Variants in LMO3 observed in about 807,000 individuals in gnomAD.
LMO3 encodes the protein LIM domain only protein 3.
A neutral mutation model predicts 15.8 loss-of-function variants in LMO3; 2 were observed. The observed-to-expected ratio is 0.13, with a 90% CI of 0.05 to 0.40. The LOEUF (loss-of-function observed/expected upper bound fraction) is 0.40. Among genes scored for constraint, LMO3 ranks in the 10% least tolerant of loss-of-function variants. The pLI is 0.99. For synonymous variants in LMO3, 62 were observed against 63.8 expected, an observed-to-expected ratio of 0.97 and a Z score of 0.13; for missense variants, 86 against 182.2, an observed-to-expected ratio of 0.47 and a Z score of 3.04.
rs757297928 is a variant in LMO3, at chr12:16,560,368, A to G, written c.332+45T>C. On this transcript the variant is annotated intron_variant, in intron 3 of 3. Coordinates refer to ENST00000537304, the MANE Select transcript of LMO3 (RefSeq NM_018640.5). This position sits in a 1 kb window ranked among gnomAD's most constrained non-coding sequence, Gnocchi z 5.0. ...CACCTATTAAATAAATAGCCAGCAC[A>G]GAGAGGTTAACCATTTCTTAGAGAC... The G allele has an allele frequency of 6.3e-7, 1 of 1,590,008 alleles. No homozygotes were observed. The highest frequency in any genetic ancestry group is 2.2e-5 in the East Asian group (1 of 44,502).
At chr12:16,578,616 G>T (rs1283899298) in intron 2 of LMO3, among the ~76,000 whole-genome samples, 1 of 152,082 alleles carries the variant, frequency 6.6e-6, no homozygotes, top group Non-Finnish European at 1.5e-5. Context: ...TCAGGAGTTC[G>T]AGACCAGCTT....
chr12:16,548,506 T>TGG lies in LMO3; in HGVS notation c.*2714_*2715dup, dbSNP rs1941871643. 6.6e-6 allele frequency: 1 copy of TGG among 152,164 alleles called. No homozygotes were observed. Among genetic ancestry groups the TGG allele is most frequent in the African/African-American group, 2.4e-5 (1 of 41,428 alleles). 9.4% of individuals were successfully genotyped at this position (152,164 alleles called of 1,614,324 possible). A position where few individuals can be genotyped will look rare whatever the true frequency, so the allele number is the denominator to read the frequency against. On this transcript the variant is annotated 3_prime_UTR_variant, in exon 4 of 4. Coordinates refer to ENST00000537304, the MANE Select transcript of LMO3 (RefSeq NM_018640.5). The surrounding 1 kb of genome is among the most constrained non-coding windows in gnomAD (Gnocchi z 4.2). ...TCAACTTTTAAACTCAGCACTCTGT[T>TGG]GGAGTGGAGGTGCACGGTCCTTCAT...
At chr12:16,554,963 G>T (rs1019210498) in intron 3 of LMO3, among the ~76,000 whole-genome samples, 2 of 152,124 alleles carry the variant, frequency 1.3e-5, no homozygotes, top group South Asian at 4.1e-4. Flanking sequence ...CGCCCGGCCA[G>T]GTTTAAATCT....
chr12:16,587,976 C>T lies in LMO3; in HGVS notation c.206+12679G>A, dbSNP rs1306642450. Among the ~76,000 whole-genome samples, 1 of 152,050 alleles carries T rather than the reference C, an allele frequency of 6.6e-6. No individual in the cohort carries two copies. Among genetic ancestry groups the T allele is most frequent in the African/African-American group, 2.4e-5 (1 of 41,424 alleles). The stretch of plus-strand genomic sequence containing the variant: ...ATATTAATTCATGCTTAAAAAGTCC[C>T]TTTCTTTCAGATAATTACCCTGTCT... On this transcript the variant is annotated intron_variant, in intron 2 of 3. Coordinates refer to ENST00000537304, the MANE Select transcript of LMO3 (RefSeq NM_018640.5). This position sits in a 1 kb window ranked among gnomAD's most constrained non-coding sequence, Gnocchi z 4.3.
At chr12:16,562,079 A>G in intron 2 of LMO3, among the ~76,000 whole-genome samples, 1 of 152,326 alleles carries the variant, frequency 6.6e-6, no homozygotes, top group East Asian at 1.9e-4. Flanking sequence ...ATATTTATTT[A>G]AAAAGAAAGA....
At chr12:16,575,385 C>G (rs1260496154) in intron 2 of LMO3, among the ~76,000 whole-genome samples, 2 of 152,152 alleles carry the variant, frequency 1.3e-5, no homozygotes, top group Non-Finnish European at 2.9e-5. Flanking sequence ...GCAAATTAGA[C>G]AAATTAGTCC....
chr12:16,580,911 G>T (rs2137534375), intron 2 of LMO3, among the ~76,000 whole-genome samples: 1 of 152,232 alleles, frequency 6.6e-6, no homozygotes, highest in South Asian at 2.1e-4. Context: ...AATCTATTAT[G>T]AATAAGTATA....
intron 2 of LMO3, among the ~76,000 whole-genome samples, chr12:16,578,117 G>A (rs1943050210): frequency 6.6e-6 from 1 of 152,074 alleles, no homozygotes; most frequent in Non-Finnish European, 1.5e-5. Context: ...CCTCCCAGAA[G>A]TCTTGCCAGG....
At position 16,584,509 on chromosome 12, in the gene LMO3, C is replaced by T. The variant is rs916923588; in HGVS notation, c.206+16146G>A. 6.6e-6 allele frequency among the ~76,000 whole-genome samples: 1 copy of T among 151,966 alleles called. No homozygotes were observed. The highest frequency in any genetic ancestry group is 2.4e-5 in the African/African-American group (1 of 41,328). On this transcript the variant is annotated intron_variant, in intron 2 of 3. Coordinates refer to ENST00000537304, the MANE Select transcript of LMO3 (RefSeq NM_018640.5). The surrounding 1 kb of genome is among the most constrained non-coding windows in gnomAD (Gnocchi z 5.2). ...GTGGAAAAGTGTTGAGTGAACGTAA[C>T]AGCAGAAATATACAGAGAATGAGGA...
intron 2 of LMO3, 161 bp downstream of exon 2, chr12:16,600,494 T>G: frequency 1.6e-6 from 1 of 622,738 alleles, no homozygotes; most frequent in Non-Finnish European, 2.8e-6. Flanking sequence ...AAGCATTAAT[T>G]TGAGTAACAC....
rs1333146137 is a variant in LMO3 at position 16,549,556 on chromosome 12, T to C, written c.*1666A>G. On this transcript the variant is annotated 3_prime_UTR_variant, in exon 4 of 4. Coordinates refer to ENST00000537304, the MANE Select transcript of LMO3 (RefSeq NM_018640.5). Reference sequence around the variant, plus strand: ...TCAGGTATAACATTTAATTTTCATCTGTAATGCATATATTGGAAGGACAAA... The same window carrying C: ...TCAGGTATAACATTTAATTTTCATCCGTAATGCATATATTGGAAGGACAAA... 6.6e-6 allele frequency: 1 copy of C among 152,572 alleles called. No individual in the cohort carries two copies. Among genetic ancestry groups the C allele is most frequent in the Non-Finnish European group, 1.5e-5 (1 of 68,004 alleles). The allele number at this position is 152,572 out of a possible 1,614,324, so 9.5% of individuals were successfully genotyped here.
chr12:16,568,199 G>A (rs930841874), intron 2 of LMO3, among the ~76,000 whole-genome samples: 4 of 152,156 alleles, frequency 2.6e-5, no homozygotes, highest in Non-Finnish European at 5.9e-5. Flanking sequence ...AGACTTGTAA[G>A]AACCTAGCAT....
In LMO3 at chr12:16,584,554, C is replaced by T. The variant is rs555802550; in HGVS notation, c.206+16101G>A. Among the ~76,000 whole-genome samples the T allele has an allele frequency of 7.9e-4, 120 of 151,978 alleles. No homozygotes were observed. The highest frequency in any genetic ancestry group is 3.4e-3 in the Middle Eastern group (1 of 294). On this transcript the variant is annotated intron_variant, in intron 2 of 3. Transcript: ENST00000537304. This position sits in a 1 kb window ranked among gnomAD's most constrained non-coding sequence, Gnocchi z 5.2. ...TGAGGAAAGGAATGGAAACAAGAGACGTTTTAGATTAACATTGGCAAGTGG... is the reference window on the plus strand; with the variant it reads ...TGAGGAAAGGAATGGAAACAAGAGATGTTTTAGATTAACATTGGCAAGTGG...
chr12:16,599,760 G>A lies in LMO3; in HGVS notation c.206+895C>T, dbSNP rs995615862. 2 of 152,138 alleles carry A rather than the reference G, an allele frequency of 1.3e-5. No individual in the cohort carries two copies. The highest frequency in any genetic ancestry group is 2.9e-5 in the Non-Finnish European group (2 of 68,028). 9.4% of individuals were successfully genotyped at this position (152,138 alleles called of 1,614,324 possible). A position where few individuals can be genotyped will look rare whatever the true frequency, so the allele number is the denominator to read the frequency against. Reference sequence around the variant, plus strand: ...ATAATTTTCCTTCAGCAGAAATTCTGTGTTGAGTACTTAATGCTGGAAAAC... The same window carrying A: ...ATAATTTTCCTTCAGCAGAAATTCTATGTTGAGTACTTAATGCTGGAAAAC... On this transcript the variant is annotated intron_variant, in intron 2 of 3. Transcript: ENST00000537304. The surrounding 1 kb of genome is among the most constrained non-coding windows in gnomAD (Gnocchi z 4.1).
rs541540312 is a variant in LMO3, at chr12:16,586,485, G to A, written c.206+14170C>T. Among the ~76,000 whole-genome samples, 4 of 152,228 alleles carry A rather than the reference G, an allele frequency of 2.6e-5. No homozygotes were observed. Among genetic ancestry groups the A allele is most frequent in the South Asian group, 2.1e-4 (1 of 4,826 alleles). On this transcript the variant is annotated intron_variant, in intron 2 of 3. Coordinates refer to ENST00000537304, the MANE Select transcript of LMO3 (RefSeq NM_018640.5). The surrounding 1 kb of genome is among the most constrained non-coding windows in gnomAD (Gnocchi z 4.3). ...GACAATGTGTCTGGACAAATCTCACGCTAAGCATTATCTTCTACGTCCACA... is the reference window on the plus strand; with the variant it reads ...GACAATGTGTCTGGACAAATCTCACACTAAGCATTATCTTCTACGTCCACA...
intron 3 of LMO3, among the ~76,000 whole-genome samples, chr12:16,557,893 T>C (rs1310461482): frequency 6.6e-6 from 1 of 152,084 alleles, no homozygotes; most frequent in African/African-American, 2.4e-5. Context: ...TCACTATAAA[T>C]GTCACATTCT....
At chr12:16,609,543 C>G (rs1020669186), upstream of LMO3, among the ~76,000 whole-genome samples, 8 of 152,028 alleles carry the variant, frequency 5.3e-5, no homozygotes, top group Non-Finnish European at 8.8e-5. Context: ...TGCAACTCAT[C>G]ATCAGACGTT....
chr12:16,609,679 G>A (rs1944089448), upstream of LMO3: 1 of 152,150 alleles, frequency 6.6e-6, no homozygotes, highest in Admixed American at 6.5e-5. Flanking sequence ...GGAGGGGAAT[G>A]ACAAAATGGG....
intron 2 of LMO3, among the ~76,000 whole-genome samples, chr12:16,570,945 T>C (rs1942792277): frequency 6.6e-6 from 1 of 152,136 alleles, no homozygotes. Context: ...TGTCAACCTA[T>C]ATAAGAATCT....
Sources: allele counts gnomAD v4.1 joint callset (sites outside exome capture counted in the v4.1 genomes callset), GRCh38; gene constraint gnomAD v4.1.1; non-coding constraint Gnocchi (gnomAD v3.1); transcripts MANE v1.5; gene names NCBI Gene and HGNC (gene_info 2026-07-23, HGNC 2026-07-21).